The following DLG2 variants were observed in gnomAD, a reference collection of about 807,000 sequenced individuals.
DLG2 encodes disks large homolog 2.
DLG2 carries 45 observed loss-of-function variants against 132.5 expected under a neutral mutation model. The observed-to-expected ratio is 0.34, with a 90% CI of 0.27 to 0.44. DLG2 has a LOEUF of 0.44. DLG2 is among the 20% of genes least tolerant of loss of function. The pLI is 1.00. For missense variants in DLG2, 1,045 were observed against 1,196.9 expected (o/e 0.87, Z 1.87); for synonymous variants, 424 against 419.6 (o/e 1.01, Z -0.13).
chr11:84,675,722 G>C (rs1371817561), intron 6 of DLG2, among the ~76,000 whole-genome samples: 1 of 151,968 alleles, frequency 6.6e-6, no homozygotes, highest in African/African-American at 2.4e-5. Context: ...TTCCTTTTTG[G>C]TAGCTATGCA....
intron 8 of DLG2, among the ~76,000 whole-genome samples, chr11:84,205,676 AT>A (rs1012881876): frequency 8.5e-5 from 13 of 152,108 alleles, no homozygotes; most frequent in African/African-American, 2.7e-4. Flanking sequence ...TAGATAACAA[AT>A]TTTTTTGGAC....
chr11:84,312,349 C>G (rs867661459), intron 7 of DLG2, among the ~76,000 whole-genome samples: 1 of 152,026 alleles, frequency 6.6e-6, no homozygotes, highest in East Asian at 1.9e-4. Flanking sequence ...CCTGGTGGCG[C>G]GTGCCTGTAG....
intron 10 of DLG2, among the ~76,000 whole-genome samples, chr11:84,074,714 C>G (rs112587284): frequency 0.019 from 2,894 of 151,602 alleles, 76 homozygotes; most frequent in African/African-American, 0.059. Flanking sequence ...ATTTTTAGTA[C>G]AGACGGGGTT....
At chr11:85,260,734 C>T (rs1283866603) in intron 4 of DLG2, among the ~76,000 whole-genome samples, 1 of 152,178 alleles carries the variant, frequency 6.6e-6, no homozygotes, top group African/African-American at 2.4e-5. Context: ...TTTGAATGCC[C>T]TCACTTTTGT....
chr11:84,571,162 G>C (rs2099482664), intron 6 of DLG2, among the ~76,000 whole-genome samples: 1 of 152,052 alleles, frequency 6.6e-6, no homozygotes, highest in Admixed American at 6.6e-5. Context: ...TTTAAGCTAA[G>C]AGGTATGCTG....
intron 7 of DLG2, among the ~76,000 whole-genome samples, chr11:84,496,153 G>A (rs1257119022): frequency 6.6e-6 from 1 of 152,190 alleles, no homozygotes; most frequent in East Asian, 1.9e-4. Flanking sequence ...CTGGGTGGAT[G>A]AAGGCATCAA....
chr11:84,760,255 T>C (rs2067430774), intron 6 of DLG2, among the ~76,000 whole-genome samples: 1 of 152,216 alleles, frequency 6.6e-6, no homozygotes, highest in Non-Finnish European at 1.5e-5. Context: ...AATGATGTTC[T>C]CTATCCAGGG....
chr11:85,268,698 A>G (rs936918440), intron 4 of DLG2, among the ~76,000 whole-genome samples: 1 of 152,212 alleles, frequency 6.6e-6, no homozygotes, highest in East Asian at 1.9e-4. Context: ...CAGGTAGCAC[A>G]TTACAAGGAT....
intron 4 of DLG2, among the ~76,000 whole-genome samples, chr11:85,223,523 C>T (rs550669376): frequency 1.8e-4 from 27 of 151,944 alleles, no homozygotes; most frequent in African/African-American, 5.8e-4. Context: ...GCTTGTGGTC[C>T]GGGCTACTCA....
intron 5 of DLG2, among the ~76,000 whole-genome samples, chr11:85,117,357 ACCTCTCTTTG>A (rs1279268655): frequency 6.6e-6 from 1 of 152,002 alleles, no homozygotes; most frequent in Admixed American, 6.6e-5. Context: ...AAGTTGCTTT[ACCTCTCTTTG>A]CATTAGTTAT....
intron 10 of DLG2, among the ~76,000 whole-genome samples, chr11:84,078,904 C>G (rs543487810): frequency 8.3e-5 from 3 of 36,118 alleles, no homozygotes; most frequent in Admixed American, 4.2e-4. Context: ...TTGTTGTAGG[C>G]ATCTTAAATT....
intron 3 of DLG2, among the ~76,000 whole-genome samples, chr11:85,595,809 A>G (rs183889228): frequency 6.6e-6 from 1 of 152,348 alleles, no homozygotes; most frequent in African/African-American, 2.4e-5. Flanking sequence ...AAATTAATAA[A>G]TGTTACTTTT....
At chr11:85,225,050 TAA>T (rs146643368) in intron 4 of DLG2, among the ~76,000 whole-genome samples, 12,491 of 152,202 alleles carry the variant, frequency 0.082, 819 homozygotes, top group Non-Finnish European at 0.11. Context: ...GTTTGAAATA[TAA>T]GTCTTTGTTT....
chr11:85,244,106 C>T (rs1026519815), intron 4 of DLG2, among the ~76,000 whole-genome samples: 4 of 151,980 alleles, frequency 2.6e-5, no homozygotes, highest in African/African-American at 9.7e-5. Context: ...TCCAGCTTTA[C>T]ATAGTTATGA....
At chr11:83,917,585 C>A (rs1341880954) in intron 15 of DLG2, among the ~76,000 whole-genome samples, 1 of 152,196 alleles carries the variant, frequency 6.6e-6, no homozygotes, top group East Asian at 1.9e-4. Flanking sequence ...GCATCACCAT[C>A]CCCCAAGAGA....
chr11:84,191,360 A>G (rs1042059289), intron 8 of DLG2, among the ~76,000 whole-genome samples: 9 of 152,214 alleles, frequency 5.9e-5, no homozygotes, highest in Non-Finnish European at 1.0e-4. Context: ...TCTACTGTAT[A>G]TGACTTTAAC....
chr11:85,194,675 C>G (rs2080893677), intron 4 of DLG2, among the ~76,000 whole-genome samples: 1 of 150,598 alleles, frequency 6.6e-6, no homozygotes, highest in African/African-American at 2.5e-5. Flanking sequence ...AAGTTAAATG[C>G]TGGTACATCC....
chr11:84,118,653 C>T (rs548772419), intron 9 of DLG2, among the ~76,000 whole-genome samples: 1 of 152,134 alleles, frequency 6.6e-6, no homozygotes. Context: ...GTACTTAACC[C>T]GAGTATAAAC....
chr11:84,504,196 A>C (rs1280951219), intron 7 of DLG2, among the ~76,000 whole-genome samples: 2 of 152,230 alleles, frequency 1.3e-5, no homozygotes, highest in Non-Finnish European at 2.9e-5. Context: ...TGTACACCAA[A>C]GCCCAAGTTT....
Sources: gnomAD v4.1 joint callset for allele counts (sites outside exome capture counted in the v4.1 genomes callset) on GRCh38, gnomAD v4.1.1 for gene constraint, MANE v1.5 for transcripts, NCBI Gene and HGNC (gene_info 2026-07-23, HGNC 2026-07-21) for gene names.